The following DPF1 variants were observed in gnomAD, a reference collection of about 807,000 sequenced individuals.
DPF1 encodes the protein double PHD fingers 1.
DPF1 carries 14 observed loss-of-function variants against 58.7 expected under a neutral mutation model. The ratio of observed to expected loss-of-function variants is 0.24; its 90% CI spans 0.16 to 0.37. The LOEUF is 0.37. DPF1 is among the 10% of genes least tolerant of loss of function. The probability of loss-of-function intolerance (pLI) is 1.00; values close to 1 mark genes in which losing one functional copy is unlikely to be tolerated. For synonymous variants in DPF1, 216 were observed against 216.0 expected (o/e 1.00, Z 0.00); for missense variants, 345 against 529.9 (o/e 0.65, Z 3.43).
rs1036087910 is a variant in DPF1 at position 38,229,550 on chromosome 19, G to A, written c.-132+9C>T. The A allele has an allele frequency of 1.0e-5, 12 of 1,190,586 alleles. No individual in the cohort carries two copies. The highest frequency in any genetic ancestry group is 1.2e-5 in the Non-Finnish European group (12 of 961,394). The allele number at this position is 1,190,586 out of a possible 1,614,324, so 73.8% of individuals were successfully genotyped here. ...CTGGACAGGGGGCGGGGACGGCAGG[G>A]ACACTCACGACTTGAGCGGGTTCTG... is the stretch of plus-strand genomic sequence containing the variant. On this transcript the variant is annotated intron_variant, in intron 1 of 11. Transcript: ENST00000412732. The surrounding 1 kb of genome is among the most constrained non-coding windows in gnomAD (Gnocchi z 5.3).
At chr19:38,220,248 G>A (rs558754764) in intron 3 of DPF1, among the ~76,000 whole-genome samples, 2 of 144,096 alleles carry the variant, frequency 1.4e-5, no homozygotes, top group Admixed American at 1.4e-4. Flanking sequence ...AAGAAGGAAG[G>A]AAAGAAAGAA....
Position 38,213,634 on chromosome 19 carries a change from C to A in DPF1, c.1011+10G>T. The A allele has an allele frequency of 1.9e-6, 3 of 1,608,928 alleles. No individual in the cohort carries two copies. Among genetic ancestry groups the A allele is most frequent in the Non-Finnish European group, 2.5e-6 (3 of 1,176,708 alleles). ...GGCAGCAGGGCACGCGGGGGGCGGG[C>A]GGCACTCACGTCGTTCTCGGAGGTT... On this transcript the variant is annotated intron_variant, in intron 10 of 11. Transcript: ENST00000355526.
chr19:38,223,129 C>T lies in DPF1; in HGVS notation c.30-421G>A, dbSNP rs114115361. ...ATATCTACTGAAAAAGACAAATATC[C>T]CAAGTTCCATAGTGTGGAGACAAAT... On this transcript the variant is annotated intron_variant, in intron 1 of 11. Coordinates refer to ENST00000355526, the MANE Select transcript of DPF1 (RefSeq NM_001135155.3). 5.2e-3 allele frequency: 931 copies of T among 178,214 alleles called. 10 individuals carry two copies. Among genetic ancestry groups the T allele is most frequent in the African/African-American group, 0.021 (884 of 42,246 alleles). The allele number at this position is 178,214 out of a possible 1,614,324, so 11.0% of individuals were successfully genotyped here.
intron 3 of DPF1, among the ~76,000 whole-genome samples, chr19:38,220,306 G>GAGAAAGAA (rs968998016): frequency 5.0e-5 from 5 of 99,870 alleles, no homozygotes; most frequent in African/African-American, 2.0e-4. Flanking sequence ...GAGAAAGAAA[G>GAGAAAGAA]AGAAAGAAAG....
chr19:38,221,747 C>T (rs2093340715), intron 3 of DPF1, among the ~76,000 whole-genome samples: 1 of 151,980 alleles, frequency 6.6e-6, no homozygotes, highest in Admixed American at 6.6e-5. Context: ...CTCAGGAGTT[C>T]AAGACCAGAC....
chr19:38,212,702 C>G lies in DPF1; in HGVS notation c.1012-341G>C, dbSNP rs1195633057. Among the ~76,000 whole-genome samples the G allele has an allele frequency of 2.6e-5, 4 of 151,424 alleles. No homozygotes were observed. The South Asian group carries it at 8.3e-4, about 32-fold the overall frequency. ...TCACAGCTCACTGCAGCCTCACACT[C>G]CTTGGGGCTCAAGTGATTCTCCTGC... On this transcript the variant is annotated intron_variant, in intron 10 of 11. Transcript: ENST00000355526.
chr19:38,224,745 G>A (rs1038731446), upstream of DPF1, among the ~76,000 whole-genome samples: 7 of 152,096 alleles, frequency 4.6e-5, no homozygotes, highest in Admixed American at 2.0e-4. The surrounding 1 kb of genome is among the most constrained non-coding windows in gnomAD (Gnocchi z 4.5). Context: ...CCTGCTCAAC[G>A]CCTTCTGCAG....
chr19:38,214,830 C>CG (rs1966893097), intron 9 of DPF1, among the ~76,000 whole-genome samples: 1 of 134,822 alleles, frequency 7.4e-6, no homozygotes, highest in Admixed American at 8.4e-5. Context: ...CTATGCCCAG[C>CG]CTTTTTTTTT....
upstream of DPF1, among the ~76,000 whole-genome samples, chr19:38,225,103 G>A (rs956181860): frequency 2.0e-5 from 3 of 152,068 alleles, no homozygotes; most frequent in South Asian, 2.1e-4. Flanking sequence ...AAAATTAGCC[G>A]GGCATGGTGG....
chr19:38,218,511 T>C lies in DPF1; in HGVS notation c.516+62A>G. The C allele has an allele frequency of 1.9e-6, 3 of 1,558,702 alleles. No homozygotes were observed. In the South Asian group the frequency reaches 3.3e-5, roughly 17 times the overall value. On this transcript the variant is annotated intron_variant, in intron 5 of 11. Coordinates refer to ENST00000355526, the MANE Select transcript of DPF1 (RefSeq NM_001135155.3). ...TGTGGCAGGGGCGGACCACTGCACC[T>C]GCTCCATGAATGAGACCTGTCATTG...
intron 5 of DPF1, 70 bp downstream of exon 5, chr19:38,218,503 A>G (rs1220694633): frequency 1.0e-5 from 15 of 1,505,034 alleles, no homozygotes; most frequent in Non-Finnish European, 1.4e-5. Flanking sequence ...GGGGCGGACC[A>G]CTGCACCTGC....
chr19:38,218,701 G>A (rs771786140), intron 4 of DPF1, 39 bp from the exon 5 acceptor site: 2 of 1,608,754 alleles, frequency 1.2e-6, no homozygotes, highest in Admixed American at 3.3e-5. Flanking sequence ...AGAAAGTGGG[G>A]GCCACTGACC....
intron 1 of DPF1, chr19:38,223,879 C>T (rs1967679031): frequency 2.2e-6 from 1 of 445,762 alleles, no homozygotes; most frequent in East Asian, 3.7e-5. Flanking sequence ...TGATGTCTCC[C>T]TTCCCCAAAA....
intron 4 of DPF1, 114 bp from the exon 5 acceptor site, chr19:38,218,776 C>A: frequency 6.5e-7 from 1 of 1,535,002 alleles, no homozygotes; most frequent in Non-Finnish European, 8.9e-7. Flanking sequence ...GGAGTTCTTC[C>A]AAATAGAGAT....
At chr19:38,220,023 A>C (rs1443662726) in intron 3 of DPF1, 4 of 151,754 alleles carry the variant, frequency 2.6e-5, no homozygotes, top group African/African-American at 9.7e-5. Flanking sequence ...CTACTTAAAA[A>C]AAAAAAAATA....
In DPF1 at chr19:38,218,944, A is replaced by G; in HGVS notation, c.413T>C (p.Ile138Thr). 6.2e-7 allele frequency: 1 copy of G among 1,614,070 alleles called. No individual in the cohort carries two copies. The stretch of plus-strand genomic sequence containing the variant: ...AGGTGGGCCCACCTGACAGTCCATA[A>G]TGGTCTCCTCCTCCTTCAGCTCAAT... ...KKIELKEEET[I>T]MDCQKQQLLE... Residue 138 changes from isoleucine to threonine, a missense_variant, in exon 4 of 12, where the codon ATT becomes ACT. Ile to Thr is a moderately conservative substitution (Grantham distance 89). Transcript: ENST00000355526.
intron 10 of DPF1, 96 bp downstream of exon 10, chr19:38,213,548 G>T (rs1973617128): frequency 3.8e-6 from 4 of 1,048,808 alleles, no homozygotes; most frequent in Non-Finnish European, 5.8e-6. Flanking sequence ...GTGTTCACCA[G>T]GGAAGGCTCA....
intron 10 of DPF1, 61 bp from the exon 11 acceptor site, chr19:38,212,422 G>T: frequency 3.2e-6 from 2 of 631,714 alleles, no homozygotes; most frequent in South Asian, 2.1e-5. Flanking sequence ...AACGGGGGTG[G>T]GGGGCTGGGG....
chr19:38,227,037 T>TTC (rs1568325406), upstream of DPF1, among the ~76,000 whole-genome samples: 301 of 121,976 alleles, frequency 2.5e-3, 3 homozygotes, highest in Non-Finnish European at 3.4e-3. Flanking sequence ...TTCCTTCCTT[T>TTC]CTTTCTTTCT....
Sources: gnomAD v4.1 joint callset for allele counts (sites outside exome capture counted in the v4.1 genomes callset) on GRCh38, gnomAD v4.1.1 for gene constraint, Gnocchi (gnomAD v3.1) non-coding constraint, MANE v1.5 for transcripts, NCBI Gene and HGNC (gene_info 2026-07-23, HGNC 2026-07-21) for gene names.